AFMID: variants seen among roughly 807,000 people sequenced by gnomAD.
AFMID encodes kynurenine formamidase.
In AFMID, 39 loss-of-function variants were observed where a neutral mutation model predicts 47.5. That is an observed-to-expected ratio of 0.82 (90% CI 0.64 to 1.07). The LOEUF is 1.07. Among genes scored for constraint, AFMID ranks in the 50% least tolerant of loss-of-function variants. The probability of loss-of-function intolerance (pLI) is 0.00; values close to 1 mark genes in which losing one functional copy is unlikely to be tolerated. For missense variants in AFMID, 375 were observed against 387.5 expected (o/e 0.97, Z 0.27); for synonymous variants, 130 against 153.2 (o/e 0.85, Z 1.12).
At chr17:78,197,096 C>G (rs1018295184) in intron 2 of AFMID, 16 of 1,476,504 alleles carry the variant, frequency 1.1e-5, no homozygotes, top group Admixed American at 2.0e-5. Context: ...ACATAAATTC[C>G]ATGATGTTTT....
In AFMID at chr17:78,205,481, G is replaced by A. The variant is rs779472218; in HGVS notation, c.607G>A (p.Val203Met). Reference sequence around the variant, plus strand: ...TGGGGTCTTTGACCTGGAGCCCATCGTGTATACTTCACAGAACGTTGCTCT... The same window carrying A: ...TGGGGTCTTTGACCTGGAGCCCATCATGTATACTTCACAGAACGTTGCTCT... ...VSGVFDLEPI[V>M]YTSQNVALQL... Residue 203 changes from valine to methionine, a missense_variant, in exon 8 of 11, where the codon GTG (valine) becomes ATG (methionine). By Grantham distance (21) the Val-to-Met change is conservative. Coordinates refer to ENST00000409257, the MANE Select transcript of AFMID (RefSeq NM_001010982.5). 3.5e-5 allele frequency: 57 copies of A among 1,614,054 alleles called. No individual in the cohort carries two copies. Among genetic ancestry groups the A allele is most frequent in the Admixed American group, 2.0e-4 (12 of 59,992 alleles).
At position 78,198,385 on chromosome 17, in the gene AFMID, G is replaced by C. The variant is rs375837849; in HGVS notation, c.155-4114G>C. On this transcript the variant is annotated intron_variant, in intron 2 of 10. Transcript: ENST00000409257. ...AGGCCAAGGCGGGGATATCACTCAA[G>C]GTCAGGAGTTCGAGACCAACCTGGC... 1.5e-3 allele frequency among the ~76,000 whole-genome samples: 229 copies of C among 151,784 alleles called. 2 individuals carry two copies. Among genetic ancestry groups the C allele is most frequent in the African/African-American group, 5.2e-3 (213 of 41,354 alleles).
intron 4 of AFMID, among the ~76,000 whole-genome samples, chr17:78,204,272 A>G (rs548325859): frequency 3.6e-4 from 54 of 151,832 alleles, no homozygotes; most frequent in African/African-American, 1.3e-3. Context: ...CAAGACCCCC[A>G]TCTCTACAAA....
At chr17:78,198,511 G>A (rs1037567705) in intron 2 of AFMID, among the ~76,000 whole-genome samples, 2 of 151,946 alleles carry the variant, frequency 1.3e-5, no homozygotes, top group Non-Finnish European at 2.9e-5. Context: ...GGGAGGCTGC[G>A]GCAGGAGAAT....
chr17:78,206,583 G>GA (rs1567857385), intron 10 of AFMID, among the ~76,000 whole-genome samples: 1 of 150,952 alleles, frequency 6.6e-6, no homozygotes, highest in Non-Finnish European at 1.5e-5. Flanking sequence ...ATTATTCAAT[G>GA]TTTTGTAGAG....
chr17:78,206,791 C>A, intron 10 of AFMID, 120 bp from the exon 11 acceptor site: 1 of 1,089,508 alleles, frequency 9.2e-7, no homozygotes, highest in South Asian at 1.3e-5. Context: ...CTCAGCCTCC[C>A]GAAGGGTTGG....
chr17:78,206,251 A>G, intron 10 of AFMID, among the ~76,000 whole-genome samples: 1 of 148,194 alleles, frequency 6.7e-6, no homozygotes, highest in Non-Finnish European at 1.5e-5. Context: ...AGGCATGAGA[A>G]TTGCTTTAAC....
chr17:78,192,689 TCTCTACC>T (rs1184802630), intron 2 of AFMID: 1 of 470,254 alleles, frequency 2.1e-6, no homozygotes, highest in Non-Finnish European at 4.4e-6. Flanking sequence ...TCCATTTCCA[TCTCTACC>T]CTGTATCTGC....
intron 1 of AFMID, among the ~76,000 whole-genome samples, chr17:78,188,437 T>C (rs551739774): frequency 6.6e-6 from 1 of 152,308 alleles, no homozygotes; most frequent in African/African-American, 2.4e-5. Flanking sequence ...CTTCTTTTTT[T>C]GAGACACAGT....
intron 2 of AFMID, among the ~76,000 whole-genome samples, chr17:78,201,012 T>TTCGAGACAGAATCTCGC (rs2076229944): frequency 6.6e-6 from 1 of 151,714 alleles, no homozygotes; most frequent in Non-Finnish European, 1.5e-5. Context: ...TTTCCTTTCT[T>TTCGAGACAGAATCTCGC]TCGAGACAGA....
chr17:78,194,376 C>T (rs2076055095), intron 2 of AFMID, among the ~76,000 whole-genome samples: 1 of 152,138 alleles, frequency 6.6e-6, no homozygotes, highest in African/African-American at 2.4e-5. Context: ...CTGCTCGCCT[C>T]CCAAAGTGCT....
chr17:78,206,868 T>A (rs764621384), intron 10 of AFMID, 43 bp from the exon 11 acceptor site: 3 of 1,609,714 alleles, frequency 1.9e-6, no homozygotes, highest in Non-Finnish European at 1.7e-6. Flanking sequence ...TGCAAAGAGC[T>A]GCTCTGATTC....
At chr17:78,206,128 G>A (rs1476185393) in intron 10 of AFMID, 78 bp downstream of exon 10, 8 of 1,286,970 alleles carry the variant, frequency 6.2e-6, no homozygotes, top group African/African-American at 4.4e-5. Flanking sequence ...TGCAAACCAG[G>A]AGTTCAAGAC....
intron 4 of AFMID, among the ~76,000 whole-genome samples, chr17:78,204,275 T>C (rs1240709200): frequency 6.6e-6 from 1 of 151,668 alleles, no homozygotes; most frequent in East Asian, 1.9e-4. Context: ...GACCCCCATC[T>C]CTACAAAAGA....
intron 2 of AFMID, among the ~76,000 whole-genome samples, chr17:78,201,619 G>C (rs1429525861): frequency 2.0e-5 from 3 of 152,148 alleles, no homozygotes; most frequent in African/African-American, 7.2e-5. Flanking sequence ...AATATAGTGA[G>C]ACCCTGTCCT....
intron 10 of AFMID, 137 bp from the exon 11 acceptor site, chr17:78,206,774 T>C (rs545496554): frequency 3.8e-5 from 29 of 770,144 alleles, no homozygotes; most frequent in Non-Finnish European, 5.2e-5. Context: ...TCAAGTGATC[T>C]TCCCACCTCA....
chr17:78,205,070 C>G, intron 6 of AFMID, 23 bp from the exon 7 acceptor site: 2 of 1,596,426 alleles, frequency 1.3e-6, no homozygotes, highest in Admixed American at 1.7e-5. Context: ...GCAAATCCAG[C>G]TCTCTGCTCT....
Position 78,201,077 on chromosome 17 carries a change from G to A in AFMID, c.155-1422G>A, listed in dbSNP as rs117653191. Among the ~76,000 whole-genome samples, 1,350 of 151,810 alleles carry A rather than the reference G, an allele frequency of 8.9e-3. 20 individuals are homozygous for A. Among genetic ancestry groups the A allele is most frequent in the African/African-American group, 0.03 (1,261 of 41,404 alleles). ...AGTGGTGCAATCTCAGCTCACTGCA[G>A]CTTCTGCCTCCCAGGTTCAAGTAAT... On this transcript the variant is annotated intron_variant, in intron 2 of 10. Coordinates refer to ENST00000409257, the MANE Select transcript of AFMID (RefSeq NM_001010982.5).
At chr17:78,206,686 C>G (rs1440280319) in intron 10 of AFMID, among the ~76,000 whole-genome samples, 1 of 149,652 alleles carries the variant, frequency 6.7e-6, no homozygotes, top group Non-Finnish European at 1.5e-5. Flanking sequence ...CTCCTCCTCC[C>G]CCTACCCCCC....
Sources: gnomAD v4.1 joint callset for allele counts (sites outside exome capture counted in the v4.1 genomes callset) on GRCh38, gnomAD v4.1.1 for gene constraint, MANE v1.5 for transcripts, NCBI Gene and HGNC (gene_info 2026-07-23, HGNC 2026-07-21) for gene names.